Variants in PIKFYVE observed in about 807,000 individuals in gnomAD.
PIKFYVE encodes the protein phosphoinositide kinase, FYVE-type zinc finger containing, also known as 1-phosphatidylinositol 3-phosphate 5-kinase.
Under a neutral mutation model 257.9 loss-of-function variants are expected in PIKFYVE, and 122 were observed. The ratio of observed to expected loss-of-function variants is 0.47; its 90% CI spans 0.41 to 0.55. The LOEUF (loss-of-function observed/expected upper bound fraction) is 0.55. Among genes scored for constraint, PIKFYVE ranks in the 20% least tolerant of loss-of-function variants. The pLI is 0.00. For synonymous variants in PIKFYVE, 892 were observed against 868.9 expected, an observed-to-expected ratio of 1.03 and a Z score of -0.47; for missense variants, 2,160 against 2,536.6, an observed-to-expected ratio of 0.85 and a Z score of 3.19.
At chr2:208,310,318 C>T (rs1014877180) in intron 12 of PIKFYVE, among the ~76,000 whole-genome samples, 1 of 151,884 alleles carries the variant, frequency 6.6e-6, no homozygotes, top group Non-Finnish European at 1.5e-5. Context: ...TATGGATTGT[C>T]CTATATTGTT....
At position 208,324,907 on chromosome 2, in the gene PIKFYVE, G is replaced by T. The variant is rs767832758; in HGVS notation, c.2332-4G>T. 2 of 1,613,228 alleles carry T rather than the reference G, an allele frequency of 1.2e-6. No homozygotes were observed. Among genetic ancestry groups the T allele is most frequent in the Non-Finnish European group, 1.7e-6 (2 of 1,179,580 alleles). On this transcript the variant is annotated splice_region_variant and splice_polypyrimidine_tract_variant and intron_variant, in intron 18 of 41. Coordinates refer to ENST00000264380, the MANE Select transcript of PIKFYVE (RefSeq NM_015040.4). ...TTGTAATACAATGTTTTTCTGTTTT[G>T]TAGCAAGTTTTGGAACGAATCAGTC...
chr2:208,324,213 A>T lies in PIKFYVE; in HGVS notation c.2262A>T (p.Lys754Asn). The change falls in exon 18 of 42, where the codon AAA becomes AAT. Residue 754 changes from lysine to asparagine, a missense_variant. Lys to Asn is a moderately conservative substitution (Grantham distance 94). Coordinates refer to ENST00000264380, the MANE Select transcript of PIKFYVE (RefSeq NM_015040.4). Reference sequence around the variant, plus strand: ...GACCCACCTTGGTTCTTGTTGAGAAAACAGTGTCTCGGATTGCCCAGGACA... The same window carrying T: ...GACCCACCTTGGTTCTTGTTGAGAATACAGTGTCTCGGATTGCCCAGGACA... Reference protein sequence around the residue: ...DVRPTLVLVEKTVSRIAQDML... With the variant: ...DVRPTLVLVENTVSRIAQDML... The T allele has an allele frequency of 6.2e-7, 1 of 1,614,044 alleles. No individual in the cohort carries two copies. Among genetic ancestry groups the T allele is most frequent in the Non-Finnish European group, 8.5e-7 (1 of 1,179,912 alleles).
intron 31 of PIKFYVE, among the ~76,000 whole-genome samples, chr2:208,340,664 G>A (rs1248994948): frequency 1.3e-5 from 2 of 152,174 alleles, no homozygotes; most frequent in East Asian, 3.8e-4. Context: ...TATGGAACAA[G>A]TATATCCAAA....
rs939987975 is a variant in PIKFYVE, at chr2:208,329,993, G to A, written c.3791+80G>A. On this transcript the variant is annotated intron_variant, in intron 22 of 41. Transcript: ENST00000264380. ...TCAAGCTAAAACGTAAACATGAGTC[G>A]GATGTTAAGTGACTGTTACATGATC... 316 of 1,550,462 alleles carry A rather than the reference G, an allele frequency of 2.0e-4. 1 individual carries two copies. Among genetic ancestry groups the A allele is most frequent in the Non-Finnish European group, 2.6e-4 (295 of 1,141,110 alleles).
Position 208,320,296 on chromosome 2 carries a change from T to G in PIKFYVE, c.2127T>G (p.Cys709Trp). ...ACCCCAAAATTCTTCTGTTGAAGTGTTCCATTGAGTATCTCTACAGAGAAG... is the reference window on the plus strand; with the variant it reads ...ACCCCAAAATTCTTCTGTTGAAGTGGTCCATTGAGTATCTCTACAGAGAAG... ...IKNPKILLLK[C>W]SIEYLYREET... Residue 709 changes from cysteine to tryptophan, a missense_variant, in exon 17 of 42, where the codon TGT (cysteine) becomes TGG (tryptophan). Around this residue, in one of 12 missense-constraint regions of PIKFYVE, gnomAD observed 346 missense variants for 365.6 expected, o/e 0.95. Coordinates refer to ENST00000264380, the MANE Select transcript of PIKFYVE (RefSeq NM_015040.4). 7 of 1,612,266 alleles carry G rather than the reference T, an allele frequency of 4.3e-6. No homozygotes were observed. The highest frequency in any genetic ancestry group is 5.9e-6 in the Non-Finnish European group (7 of 1,178,750).
rs765925382 is a variant in PIKFYVE at position 208,325,507 on chromosome 2, A to T, written c.2696A>T (p.Glu899Val). The T allele has an allele frequency of 6.2e-7, 1 of 1,614,146 alleles. No individual in the cohort carries two copies. Among genetic ancestry groups the T allele is most frequent in the Admixed American group, 1.7e-5 (1 of 60,020 alleles). Residue 899 changes from glutamate (E) to valine (V), a missense_variant, in exon 20 of 42, where the codon GAG becomes GTG. Physicochemically the swap from Glu to Val is moderately radical, Grantham distance 121. This residue lies in a region of PIKFYVE where 522 missense variants were observed against 514.6 expected (regional missense o/e 1.01). Coordinates refer to ENST00000264380, the MANE Select transcript of PIKFYVE (RefSeq NM_015040.4). ...TCCCTGATTGAGGGACGAGGGCATG[A>T]GGGGGCTGTCCAAGAGCAGTACGGT... ...FHSLIEGRGH[E>V]GAVQEQYGGG...
chr2:208,276,884 C>A, intron 4 of PIKFYVE, 54 bp downstream of exon 4: 1 of 1,427,916 alleles, frequency 7.0e-7, no homozygotes, highest in Non-Finnish European at 9.8e-7. Context: ...GGGGATCATG[C>A]CATACCTAAT....
At position 208,335,505 on chromosome 2, in the gene PIKFYVE, A is replaced by G; in HGVS notation, c.4256+86A>G. 3.9e-5 allele frequency: 46 copies of G among 1,194,122 alleles called. No homozygotes were observed. In the South Asian group the frequency reaches 6.0e-4, roughly 16 times the overall value. The allele number at this position is 1,194,122 out of a possible 1,614,324, so 74.0% of individuals were successfully genotyped here. ...ATTTATTCATTTTATTTTCTTTGAAAATGTAAATTTTCTAATTGTATGCTA... is the reference window on the plus strand; with the variant it reads ...ATTTATTCATTTTATTTTCTTTGAAGATGTAAATTTTCTAATTGTATGCTA... On this transcript the variant is annotated intron_variant, in intron 25 of 41. Transcript: ENST00000264380.
intron 34 of PIKFYVE, among the ~76,000 whole-genome samples, chr2:208,346,924 C>T (rs1247697918): frequency 6.6e-6 from 1 of 152,174 alleles, no homozygotes; most frequent in African/African-American, 2.4e-5. Flanking sequence ...TGTTCTCTTT[C>T]ATTAGGAAAG....
chr2:208,314,418 G>T lies in PIKFYVE; in HGVS notation c.1821G>T (p.Arg607Ser). ...ATGGGGAGAAACAAGCCATGGAGAG[G>T]TTGCTGTAAGGCAATGAAATTTTTA... ...EENGEKQAME[R>S]LLSANHNHMM... Residue 607 changes from arginine (R) to serine (S), a missense_variant, in exon 14 of 42, where the codon AGG becomes AGT. By Grantham distance (110) the Arg-to-Ser change is moderately radical (BLOSUM62 -1). Coordinates refer to ENST00000264380, the MANE Select transcript of PIKFYVE (RefSeq NM_015040.4). The T allele has an allele frequency of 6.2e-7, 1 of 1,613,794 alleles. No individual in the cohort carries two copies. The highest frequency in any genetic ancestry group is 8.5e-7 in the Non-Finnish European group (1 of 1,179,864).
chr2:208,284,737 TTGTTTCCATTTG>T (rs1691317487), intron 5 of PIKFYVE, among the ~76,000 whole-genome samples: 1 of 152,244 alleles, frequency 6.6e-6, no homozygotes, highest in South Asian at 2.1e-4. Flanking sequence ...GGAAAATATG[TTGTTTCCATTTG>T]TGTTGGTTTA....
Position 208,326,049 on chromosome 2 carries a change from T to A in PIKFYVE, c.3238T>A (p.Tyr1080Asn). The A allele has an allele frequency of 7.4e-6, 12 of 1,614,148 alleles. No individual in the cohort carries two copies. The highest frequency in any genetic ancestry group is 1.0e-5 in the Non-Finnish European group (12 of 1,180,028). The change falls in exon 20 of 42, where the codon TAT becomes AAT. Residue 1080 changes from tyrosine (Y) to asparagine (N), a missense_variant. Around this residue, in one of 12 missense-constraint regions of PIKFYVE, gnomAD observed 522 missense variants for 514.6 expected, o/e 1.01. Coordinates refer to ENST00000264380, the MANE Select transcript of PIKFYVE (RefSeq NM_015040.4). The stretch of plus-strand genomic sequence containing the variant: ...GGGGATGAGATGCTCTACCCGAGAT[T>A]ATTTTGCAGAGCAGGTTTACTGGTC... ...EKGMRCSTRD[Y>N]FAEQVYWSPL...
intron 7 of PIKFYVE, 135 bp downstream of exon 7, chr2:208,288,953 A>G: frequency 3.4e-6 from 4 of 1,174,596 alleles, no homozygotes; most frequent in Non-Finnish European, 4.9e-6. Context: ...TTAAACTATC[A>G]TTTTCTTTTT....
In PIKFYVE at chr2:208,277,587, C is replaced by T. The variant is rs147444420; in HGVS notation, c.492C>T (p.Cys164=). The T allele has an allele frequency of 6.2e-7, 1 of 1,613,914 alleles. No homozygotes were observed. The highest frequency in any genetic ancestry group is 2.2e-5 in the East Asian group (1 of 44,876). ...TGCCAGATAGCCAATGTAAAGAGTG[C>T]TATGACTGTAGTGAGAAATTTACAA... ...YWMPDSQCKE[C]YDCSEKFTTF... The change falls in exon 5 of 42, where the codon TGC becomes TGT. Residue 164 remains cysteine (C), a synonymous_variant. Transcript: ENST00000264380.
At chr2:208,276,903 C>A in intron 4 of PIKFYVE, 73 bp downstream of exon 4, 1 of 1,218,002 alleles carries the variant, frequency 8.2e-7, no homozygotes, top group African/African-American at 1.5e-5. Context: ...ATGAAAATGG[C>A]TTAATGCCAC....
At chr2:208,269,822 T>C in intron 1 of PIKFYVE, 1 of 247,396 alleles carries the variant, frequency 4.0e-6, no homozygotes, top group Non-Finnish European at 8.7e-6. Flanking sequence ...TCCTTGGTTT[T>C]CTCAGGGGCC....
At chr2:208,274,791 C>G (rs964021124) in intron 3 of PIKFYVE, among the ~76,000 whole-genome samples, 3 of 149,514 alleles carry the variant, frequency 2.0e-5, no homozygotes, top group African/African-American at 7.4e-5. Flanking sequence ...TCAATAAACT[C>G]TCCTTAGCTC....
chr2:208,277,033 G>T (rs912754474), intron 4 of PIKFYVE, among the ~76,000 whole-genome samples: 2 of 151,964 alleles, frequency 1.3e-5, no homozygotes, highest in African/African-American at 4.8e-5. Flanking sequence ...AGTGCTTTTC[G>T]CGTTCTGTTT....
chr2:208,298,833 A>C, intron 8 of PIKFYVE, 54 bp downstream of exon 8: 1 of 1,600,294 alleles, frequency 6.2e-7, no homozygotes. Flanking sequence ...GAGAATGTTC[A>C]TGTGACTGAG....
Sources: allele counts gnomAD v4.1 joint callset (sites outside exome capture counted in the v4.1 genomes callset), GRCh38; gene constraint gnomAD v4.1.1; regional missense constraint gnomAD v4.1.1; transcripts MANE v1.5; gene names NCBI Gene and HGNC (gene_info 2026-07-23, HGNC 2026-07-21).